ARHGEF4: variants seen among roughly 807,000 people sequenced by gnomAD.
ARHGEF4 encodes Rho guanine nucleotide exchange factor 4.
In ARHGEF4, 119 loss-of-function variants were observed where a neutral mutation model predicts 162.0. The ratio of observed to expected loss-of-function variants is 0.73; its 90% CI spans 0.63 to 0.86. The LOEUF (loss-of-function observed/expected upper bound fraction) is 0.86, where lower values mean the gene tolerates loss of function less well. ARHGEF4 is among the 40% of genes least tolerant of loss of function. ARHGEF4 has a pLI of 0.00. For missense variants in ARHGEF4, 2,488 were observed against 2,456.0 expected (o/e 1.01, Z -0.28); for synonymous variants, 1,014 against 979.9 (o/e 1.03, Z -0.65).
chr2:130,856,107 A>G (rs1308734700), intron 1 of ARHGEF4, among the ~76,000 whole-genome samples: 4 of 152,228 alleles, frequency 2.6e-5, no homozygotes, highest in African/African-American at 9.6e-5. Context: ...TCAAATAACT[A>G]AAGGAAGCCA....
At chr2:130,893,136 C>T (rs775051177) in intron 1 of ARHGEF4, among the ~76,000 whole-genome samples, 34 of 152,228 alleles carry the variant, frequency 2.2e-4, no homozygotes, top group Non-Finnish European at 1.2e-4. Flanking sequence ...TGTGGTTTCA[C>T]GCTAGGTTTC....
chr2:131,029,551 C>CTTTT (rs70994734), intron 5 of ARHGEF4, among the ~76,000 whole-genome samples: 1,790 of 140,986 alleles, frequency 0.013, 54 homozygotes, highest in African/African-American at 0.044. Context: ...TGTGCTTTTC[C>CTTTT]TTTTTTTTTT....
At chr2:130,998,569 G>A (rs913042277) in intron 4 of ARHGEF4, among the ~76,000 whole-genome samples, 3 of 152,066 alleles carry the variant, frequency 2.0e-5, no homozygotes, top group East Asian at 3.9e-4. Flanking sequence ...AGTGCACAGC[G>A]TTTTCAGATG....
chr2:130,850,023 CAT>C lies in ARHGEF4; in HGVS notation c.39+13032_39+13033del, dbSNP rs148318156. ...CAGGAAACAGGACGCTGTAACTGCA[CAT>C]GTGGTCTGGGGCCAGTGTGTGGCAT... On this transcript the variant is annotated intron_variant, in intron 1 of 13. Coordinates refer to ENST00000409359, the MANE Select transcript of ARHGEF4 (RefSeq NM_001367493.1). 1.5e-3 allele frequency among the ~76,000 whole-genome samples: 229 copies of C among 152,354 alleles called. No individual in the cohort carries two copies. The East Asian group carries it at 0.023, about 15-fold the overall frequency.
intron 3 of ARHGEF4, among the ~76,000 whole-genome samples, chr2:130,936,985 G>A (rs112233102): frequency 2.1e-4 from 28 of 132,932 alleles, no homozygotes; most frequent in African/African-American, 6.6e-4. Context: ...TTGGCTCACC[G>A]CAACCACCAC....
intron 1 of ARHGEF4, among the ~76,000 whole-genome samples, chr2:130,898,936 C>T (rs893686152): frequency 1.3e-5 from 2 of 152,088 alleles, no homozygotes; most frequent in African/African-American, 4.8e-5. Flanking sequence ...CAGCCCACTC[C>T]CAAACACACG....
At chr2:131,013,927 C>T (rs946176171) in intron 4 of ARHGEF4, among the ~76,000 whole-genome samples, 5 of 152,154 alleles carry the variant, frequency 3.3e-5, no homozygotes, top group Non-Finnish European at 5.9e-5. Flanking sequence ...ACTAGCTCAG[C>T]TATAATCTAC....
chr2:130,957,075 T>A (rs996678418), intron 4 of ARHGEF4, among the ~76,000 whole-genome samples: 1 of 152,106 alleles, frequency 6.6e-6, no homozygotes, highest in African/African-American at 2.4e-5. Flanking sequence ...GATTACAGGC[T>A]CTTCTCAATT....
chr2:130,976,825 G>A (rs1425957182), intron 4 of ARHGEF4, among the ~76,000 whole-genome samples: 1 of 152,166 alleles, frequency 6.6e-6, no homozygotes, highest in Non-Finnish European at 1.5e-5. Flanking sequence ...AGTGATGTGT[G>A]TGTGCATTGT....
At chr2:131,001,544 A>G (rs561572059) in intron 4 of ARHGEF4, among the ~76,000 whole-genome samples, 1 of 152,296 alleles carries the variant, frequency 6.6e-6, no homozygotes, top group South Asian at 2.1e-4. Context: ...GTGAGGATGT[A>G]CAGGGTCCAG....
chr2:130,992,354 C>T (rs890865491), intron 4 of ARHGEF4, among the ~76,000 whole-genome samples: 1 of 152,240 alleles, frequency 6.6e-6, no homozygotes, highest in East Asian at 1.9e-4. Flanking sequence ...CTACTGCTCA[C>T]TCTTTGGGTC....
At chr2:130,941,617 T>C (rs1683303226) in intron 3 of ARHGEF4, among the ~76,000 whole-genome samples, 1 of 152,176 alleles carries the variant, frequency 6.6e-6, no homozygotes, top group Non-Finnish European at 1.5e-5. Context: ...TGTAAGATAT[T>C]ATAAGTAGTA....
intron 1 of ARHGEF4, among the ~76,000 whole-genome samples, chr2:130,909,055 G>T (rs1681014702): frequency 6.6e-6 from 1 of 152,224 alleles, no homozygotes; most frequent in Non-Finnish European, 1.5e-5. Context: ...TTGTGGAGCA[G>T]CAGGACCTCA....
At chr2:130,967,706 A>G (rs1403855139) in intron 4 of ARHGEF4, among the ~76,000 whole-genome samples, 1 of 152,220 alleles carries the variant, frequency 6.6e-6, no homozygotes, top group Non-Finnish European at 1.5e-5. Context: ...TAAAGAAATC[A>G]CAGCACAGGG....
intron 1 of ARHGEF4, among the ~76,000 whole-genome samples, chr2:130,884,159 G>A (rs1394789769): frequency 6.6e-6 from 1 of 152,088 alleles, no homozygotes; most frequent in African/African-American, 2.4e-5. Context: ...GGCAGGAAAT[G>A]AGCTGAGCCT....
intron 4 of ARHGEF4, among the ~76,000 whole-genome samples, chr2:130,978,733 C>T (rs1271202992): frequency 2.0e-5 from 3 of 149,980 alleles, no homozygotes; most frequent in African/African-American, 7.4e-5. Context: ...AAGTATATTT[C>T]AAGGCTATAA....
At chr2:130,941,507 T>C (rs975132752) in intron 3 of ARHGEF4, among the ~76,000 whole-genome samples, 4 of 152,120 alleles carry the variant, frequency 2.6e-5, no homozygotes, top group East Asian at 1.9e-4. Flanking sequence ...CTCAGCTCCA[T>C]GTATAATTTT....
intron 1 of ARHGEF4, among the ~76,000 whole-genome samples, chr2:130,885,374 G>A (rs527719136): frequency 6.6e-6 from 1 of 152,052 alleles, no homozygotes; most frequent in East Asian, 1.9e-4. Flanking sequence ...GATTACAGGC[G>A]TGAGCCACCG....
At position 130,836,934 on chromosome 2, in the gene ARHGEF4, C is replaced by A; in HGVS notation, c.-20C>A. 1.6e-6 allele frequency: 2 copies of A among 1,222,476 alleles called. No homozygotes were observed. Among genetic ancestry groups the A allele is most frequent in the East Asian group, 3.2e-5 (1 of 31,042 alleles). 75.7% of individuals were successfully genotyped at this position (1,222,476 alleles called of 1,614,324 possible). ...GGCTCGTAGTGCTGCGGCCGGGCTC[C>A]GGGCGTCCCGGCGGCCACCATGCTC... is the stretch of plus-strand genomic sequence containing the variant. On this transcript the variant is annotated 5_prime_UTR_variant, in exon 1 of 14. Transcript: ENST00000409359.
Sources: allele counts gnomAD v4.1 joint callset (sites outside exome capture counted in the v4.1 genomes callset), GRCh38; gene constraint gnomAD v4.1.1; transcripts MANE v1.5; gene names NCBI Gene and HGNC (gene_info 2026-07-23, HGNC 2026-07-21).